Variants in SRGAP2C observed in about 807,000 individuals in gnomAD.
SRGAP2C encodes the protein SLIT-ROBO Rho GTPase-activating protein 2C.
Under a neutral mutation model 25.1 loss-of-function variants are expected in SRGAP2C, and 15 were observed. That is an observed-to-expected ratio of 0.60 (90% CI 0.40 to 0.92). The LOEUF (loss-of-function observed/expected upper bound fraction) is 0.92. Ranked by LOEUF, SRGAP2C falls within the 40% of genes least tolerant of loss-of-function variation. SRGAP2C has a pLI of 0.00. For missense variants in SRGAP2C, 144 were observed against 264.4 expected (o/e 0.54, Z 3.16); for synonymous variants, 44 against 96.6 (o/e 0.46, Z 3.19).
At chr1:121,298,367 C>G (rs1163814069) in intron 3 of SRGAP2C, among the ~76,000 whole-genome samples, 2 of 149,376 alleles carry the variant, frequency 1.3e-5, no homozygotes, top group African/African-American at 5.0e-5. Context: ...ACTGTTGAGG[C>G]CCACAGGTCC....
chr1:121,256,002 G>GT (rs1656455544), intron 2 of SRGAP2C, among the ~76,000 whole-genome samples: 1 of 113,816 alleles, frequency 8.8e-6, no homozygotes, highest in Non-Finnish European at 1.8e-5. Flanking sequence ...GGGTGTGATG[G>GT]TGTGTTCCTG....
chr1:121,224,764 G>A (rs1332641186), intron 2 of SRGAP2C, among the ~76,000 whole-genome samples: 1 of 151,864 alleles, frequency 6.6e-6, no homozygotes, highest in African/African-American at 2.4e-5. Flanking sequence ...CCACTACTCT[G>A]TGCCCGTTTA....
chr1:121,235,505 T>A (rs1655936027), intron 2 of SRGAP2C, among the ~76,000 whole-genome samples: 1 of 21,976 alleles, frequency 4.6e-5, no homozygotes, highest in Non-Finnish European at 7.2e-5. Context: ...CCTCCCTATA[T>A]CCCTCCAGTT....
At chr1:121,201,959 T>C (rs189598568) in intron 2 of SRGAP2C, among the ~76,000 whole-genome samples, 137 of 152,286 alleles carry the variant, frequency 9.0e-4, no homozygotes, top group Middle Eastern at 3.4e-3. Context: ...GTCAGATCTC[T>C]GAGAGATCTT....
intron 4 of SRGAP2C, among the ~76,000 whole-genome samples, chr1:121,350,664 A>G (rs193235107): frequency 1.3e-3 from 196 of 152,310 alleles, no homozygotes; most frequent in African/African-American, 4.4e-3. Context: ...ATATAGGTGT[A>G]AGTCTTCATG....
chr1:121,339,252 CTTT>C (rs1185472819), intron 4 of SRGAP2C, among the ~76,000 whole-genome samples: 6 of 89,636 alleles, frequency 6.7e-5, no homozygotes, highest in Admixed American at 5.9e-4. Context: ...GCTATGTTGT[CTTT>C]TTTTTTTTTT....
rs1335513468 is a variant in SRGAP2C, at chr1:121,366,316, C to T, written c.486+961C>T. ...TTTTTTTTTTAATTCACAGAACAGG[C>T]AGTGATGACATGCATGACAGGCATT... On this transcript the variant is annotated intron_variant, in intron 5 of 9. Coordinates refer to ENST00000367123, the MANE Select transcript of SRGAP2C (RefSeq NM_001329984.2). Among the ~76,000 whole-genome samples the T allele has an allele frequency of 4.0e-5, 5 of 125,880 alleles. 1 individual carries two copies. Among genetic ancestry groups the T allele is most frequent in the African/African-American group, 1.2e-4 (4 of 33,620 alleles). 82.6% of individuals were successfully genotyped at this position (125,880 alleles called of 152,430 possible).
Position 121,236,103 on chromosome 1 carries a change from C to A in SRGAP2C, c.67+48590C>A, listed in dbSNP as rs1359788165. The stretch of plus-strand genomic sequence containing the variant: ...AAAAAAGGTGTTCCAGGATCTATAT[C>A]CTGCACCATACATGGAGTCAGCCAT... On this transcript the variant is annotated intron_variant, in intron 2 of 9. Coordinates refer to ENST00000367123, the MANE Select transcript of SRGAP2C (RefSeq NM_001329984.2). Among the ~76,000 whole-genome samples, 24 of 142,498 alleles carry A rather than the reference C, an allele frequency of 1.7e-4. 1 individual carries two copies. In the East Asian group the frequency reaches 5.1e-3, roughly 30 times the overall value. The allele number at this position is 142,498 out of a possible 152,430, so 93.5% of individuals were successfully genotyped here. A position where few individuals can be genotyped will look rare whatever the true frequency, so the allele number is the denominator to read the frequency against.
At chr1:121,221,724 A>AAC (rs1417964296) in intron 2 of SRGAP2C, among the ~76,000 whole-genome samples, 1 of 119,924 alleles carries the variant, frequency 8.3e-6, no homozygotes, top group Non-Finnish European at 1.7e-5. Context: ...AAAAAAAAAA[A>AAC]AAAAAAAACA....
intron 4 of SRGAP2C, among the ~76,000 whole-genome samples, chr1:121,328,949 T>C (rs1553341934): frequency 0.52 from 58,031 of 110,618 alleles, 15,596 homozygotes; most frequent in East Asian, 0.75. Context: ...TGGTGACTCA[T>C]GCCTGTAATC....
rs1553352598 is a variant in SRGAP2C at position 121,374,841 on chromosome 1, A to T, written c.718A>T (p.Thr240Ser). 2 of 773,922 alleles carry T rather than the reference A, an allele frequency of 2.6e-6. No individual in the cohort carries two copies. Among genetic ancestry groups the T allele is most frequent in the Admixed American group, 1.7e-5 (1 of 57,860 alleles). The allele number at this position is 773,922 out of a possible 1,614,324, so 47.9% of individuals were successfully genotyped here. A position where few individuals can be genotyped will look rare whatever the true frequency, so the allele number is the denominator to read the frequency against. ...TCCTTTTCAGCACCAAGCCAAGTAC[A>T]CGGAGAATAAGCTGAAGGCCATCAA... ...KMKEKHQAKY[T>S]ENKLKAIKAQ... The change falls in exon 7 of 10, where the codon ACG becomes TCG. Residue 240 changes from threonine to serine, a missense_variant. Transcript: ENST00000367123.
intron 2 of SRGAP2C, among the ~76,000 whole-genome samples, chr1:121,210,286 G>T (rs1167281096): frequency 6.7e-6 from 1 of 148,540 alleles, no homozygotes; most frequent in Non-Finnish European, 1.5e-5. Flanking sequence ...ATGTATGCTG[G>T]TTCCCTAGCA....
rs587603305 is a variant in SRGAP2C at position 121,207,611 on chromosome 1, G to A, written c.67+20098G>A. Among the ~76,000 whole-genome samples the A allele has an allele frequency of 4.0e-3, 616 of 152,292 alleles. 4 individuals carry two copies. The highest frequency in any genetic ancestry group is 0.015 in the African/African-American group (604 of 41,556). ...TGAATAACTTTGGAATGGGGAGATG[G>A]CGCTTTGATAGAGGATTTGATTGGA... On this transcript the variant is annotated intron_variant, in intron 2 of 9. Transcript: ENST00000367123.
intron 2 of SRGAP2C, among the ~76,000 whole-genome samples, chr1:121,210,312 C>T (rs1482654441): frequency 1.7e-4 from 14 of 83,738 alleles, no homozygotes; most frequent in African/African-American, 7.6e-4. Flanking sequence ...ATTCCATCAG[C>T]GCTTTAAAAA....
intron 2 of SRGAP2C, among the ~76,000 whole-genome samples, chr1:121,268,435 T>C (rs1254314521): frequency 1.3e-5 from 2 of 151,772 alleles, no homozygotes; most frequent in Non-Finnish European, 2.9e-5. Flanking sequence ...TTTTCTCCAC[T>C]GGGAAGCCAT....
In SRGAP2C at chr1:121,300,293, C is replaced by T. The variant is rs2101584320; in HGVS notation, c.260+15298C>T. Among the ~76,000 whole-genome samples, 4 of 86,482 alleles carry T rather than the reference C, an allele frequency of 4.6e-5. 2 individuals are homozygous for T. In the East Asian group the frequency reaches 2.3e-3, roughly 49 times the overall value. The allele number at this position is 86,482 out of a possible 152,430, so 56.7% of individuals were successfully genotyped here. ...GTGCTGGTGTCTGCTTCTGGTGAGG[C>T]CTCAGGGAGCTTACAATCATGGCAG... On this transcript the variant is annotated intron_variant, in intron 3 of 9. Transcript: ENST00000367123.
chr1:121,308,085 C>A (rs1470245865), intron 3 of SRGAP2C, among the ~76,000 whole-genome samples: 2 of 150,288 alleles, frequency 1.3e-5, no homozygotes, highest in Non-Finnish European at 3.0e-5. Context: ...AATAGCTCTG[C>A]GCTCTGGGGC....
At position 121,374,906 on chromosome 1, in the gene SRGAP2C, T is replaced by C. The variant is rs1415413579; in HGVS notation, c.783T>C (p.Asn261=). ...ACTTGCTGGCTTTGGAGGCAACCAATGCATCTGTCTTCAAGTACTACATCC... is the reference window on the plus strand; with the variant it reads ...ACTTGCTGGCTTTGGAGGCAACCAACGCATCTGTCTTCAAGTACTACATCC... ...NEYLLALEAT[N]ASVFKYYIHD... is the part of the protein sequence containing the mutation. The change falls in exon 7 of 10, where the codon AAT becomes AAC. Residue 261 remains asparagine (N), a synonymous_variant. Transcript: ENST00000367123. 2 of 779,066 alleles carry C rather than the reference T, an allele frequency of 2.6e-6. No individual in the cohort carries two copies. The highest frequency in any genetic ancestry group is 4.9e-5 in the East Asian group (2 of 41,198). The allele number at this position is 779,066 out of a possible 1,614,324, so 48.3% of individuals were successfully genotyped here.
At chr1:121,378,740 C>T (rs1390737058) in intron 7 of SRGAP2C, among the ~76,000 whole-genome samples, 1 of 152,078 alleles carries the variant, frequency 6.6e-6, no homozygotes, top group Non-Finnish European at 1.5e-5. Context: ...TGCCTCCTTC[C>T]TAGTGGTTCT....
Sources: gnomAD v4.1 joint callset for allele counts (sites outside exome capture counted in the v4.1 genomes callset) on GRCh38, gnomAD v4.1.1 for gene constraint, MANE v1.5 for transcripts, NCBI Gene and HGNC (gene_info 2026-07-23, HGNC 2026-07-21) for gene names.